ALK: variants seen among roughly 807,000 people sequenced by gnomAD.
The protein encoded by ALK is ALK tyrosine kinase receptor.
In ALK, 74 loss-of-function variants were observed where a neutral mutation model predicts 163.1. The observed-to-expected ratio is 0.45, with a 90% CI of 0.38 to 0.55. The LOEUF is 0.55. ALK is among the 20% of genes least tolerant of loss of function. ALK has a pLI of 0.00. For synonymous variants in ALK, 960 were observed against 843.2 expected (o/e 1.14, Z -2.40); for missense variants, 2,063 against 2,105.3 (o/e 0.98, Z 0.39).
chr2:29,786,544 C>T (rs1257559521), intron 1 of ALK, among the ~76,000 whole-genome samples: 1 of 152,148 alleles, frequency 6.6e-6, no homozygotes, highest in African/African-American at 2.4e-5. Context: ...GTGTAGAGAT[C>T]ACCACGTGGC....
intron 6 of ALK, among the ~76,000 whole-genome samples, chr2:29,327,328 A>C (rs1194726160): frequency 1.3e-5 from 2 of 152,194 alleles, no homozygotes; most frequent in Admixed American, 6.5e-5. Context: ...AGGTATTGCT[A>C]TGGGAAAGAT....
At chr2:29,216,018 T>C (rs1573112077) in intron 23 of ALK, among the ~76,000 whole-genome samples, 1 of 152,266 alleles carries the variant, frequency 6.6e-6, no homozygotes, top group East Asian at 1.9e-4. Flanking sequence ...AAATGGCTCC[T>C]TGTGTTTGGC....
intron 9 of ALK, 25 bp downstream of exon 9, chr2:29,296,863 A>T (rs1431731941): frequency 1.2e-6 from 2 of 1,613,862 alleles, no homozygotes; most frequent in Non-Finnish European, 8.5e-7. Context: ...GGAGAAGGGT[A>T]TTGGGGGAGA....
chr2:29,692,841 T>C (rs2148287779), intron 3 of ALK, among the ~76,000 whole-genome samples: 1 of 152,294 alleles, frequency 6.6e-6, no homozygotes, highest in East Asian at 1.9e-4. Flanking sequence ...TGGAAATAAT[T>C]CAAATGTTCA....
chr2:29,694,816 C>G, intron 3 of ALK, 34 bp downstream of exon 3: 2 of 1,612,400 alleles, frequency 1.2e-6, no homozygotes, highest in Non-Finnish European at 1.7e-6. Flanking sequence ...TGGCCCTGAC[C>G]CACCCAGGAC....
intron 4 of ALK, among the ~76,000 whole-genome samples, chr2:29,490,721 A>G (rs147374528): frequency 1.9e-3 from 290 of 152,356 alleles, no homozygotes; most frequent in African/African-American, 6.6e-3. Flanking sequence ...AATATGTAAA[A>G]CTACAAAGGA....
chr2:29,918,523 GTC>G (rs778084410), intron 1 of ALK, among the ~76,000 whole-genome samples: 1 of 152,096 alleles, frequency 6.6e-6, no homozygotes, highest in South Asian at 2.1e-4. Context: ...TCTTAGGATG[GTC>G]TATATAAATT....
At chr2:29,442,305 A>G (rs1437815355) in intron 4 of ALK, among the ~76,000 whole-genome samples, 1 of 54,648 alleles carries the variant, frequency 1.8e-5, no homozygotes, top group Non-Finnish European at 8.3e-5. Flanking sequence ...CCTCTGATAA[A>G]TTAAAAAAAA....
At chr2:29,217,049 G>T (rs533520983) in intron 23 of ALK, among the ~76,000 whole-genome samples, 1 of 147,538 alleles carries the variant, frequency 6.8e-6, no homozygotes, top group Non-Finnish European at 1.5e-5. Context: ...GCATGTGTGT[G>T]GTGTGTGTTG....
intron 11 of ALK, among the ~76,000 whole-genome samples, chr2:29,269,801 T>TCC (rs149023613): frequency 0.021 from 3,172 of 150,806 alleles, 53 homozygotes; most frequent in Non-Finnish European, 0.031. Context: ...TAATGAACAG[T>TCC]CCCCCCCCAG....
intron 3 of ALK, among the ~76,000 whole-genome samples, chr2:29,640,589 A>G (rs1676674564): frequency 1.3e-5 from 2 of 152,338 alleles, no homozygotes; most frequent in South Asian, 2.1e-4. Context: ...TACAGCCTGC[A>G]GAACCGTGAG....
intron 11 of ALK, among the ~76,000 whole-genome samples, chr2:29,272,446 G>A (rs1374014604): frequency 6.6e-6 from 1 of 152,170 alleles, no homozygotes. Flanking sequence ...CTGCTCCATG[G>A]GCCTGGAGGT....
At chr2:29,877,786 G>A (rs577558479) in intron 1 of ALK, among the ~76,000 whole-genome samples, 16 of 151,786 alleles carry the variant, frequency 1.1e-4, no homozygotes, top group African/African-American at 3.4e-4. Context: ...AGGCAAAAGC[G>A]CTGCTCCTTG....
rs1009081585 is a variant in ALK, at chr2:29,574,520, C to G, written c.953-42404G>C. Among the ~76,000 whole-genome samples the G allele has an allele frequency of 2.6e-5, 4 of 152,312 alleles. No individual in the cohort carries two copies. The South Asian group carries it at 8.3e-4, about 32-fold the overall frequency. ...GTTTGGTCCTGCCGGCCCTATAAAC[C>G]GTTGAAATGTCTGAGAAAGACTCAT... is the stretch of plus-strand genomic sequence containing the variant. On this transcript the variant is annotated intron_variant, in intron 3 of 28. Coordinates refer to ENST00000389048, the MANE Select transcript of ALK (RefSeq NM_004304.5).
chr2:29,608,165 G>T (rs181241736), intron 3 of ALK, among the ~76,000 whole-genome samples: 1 of 152,058 alleles, frequency 6.6e-6, no homozygotes, highest in Admixed American at 6.6e-5. Context: ...AAGAACACCC[G>T]CATGCCACAC....
At chr2:29,814,820 G>C (rs926561531) in intron 1 of ALK, among the ~76,000 whole-genome samples, 3 of 147,792 alleles carry the variant, frequency 2.0e-5, no homozygotes, top group Non-Finnish European at 4.6e-5. Context: ...CTATTCACAG[G>C]ATTGGTATGA....
chr2:29,750,841 G>A (rs1468566271), intron 1 of ALK, among the ~76,000 whole-genome samples: 3 of 152,076 alleles, frequency 2.0e-5, no homozygotes, highest in Non-Finnish European at 4.4e-5. Flanking sequence ...GGAGGCCAAG[G>A]TGGGTGGATC....
At chr2:29,772,270 T>A (rs770723248) in intron 1 of ALK, among the ~76,000 whole-genome samples, 1 of 152,068 alleles carries the variant, frequency 6.6e-6, no homozygotes, top group Non-Finnish European at 1.5e-5. Context: ...ATAATCTAAA[T>A]GTAAATATCA....
At chr2:29,675,137 G>A (rs1558436612) in intron 3 of ALK, among the ~76,000 whole-genome samples, 2 of 151,866 alleles carry the variant, frequency 1.3e-5, no homozygotes, top group Admixed American at 1.3e-4. Flanking sequence ...AAACCAAAAT[G>A]AGGCTATAAT....
Sources: gnomAD v4.1 joint callset for allele counts (sites outside exome capture counted in the v4.1 genomes callset) on GRCh38, gnomAD v4.1.1 for gene constraint, MANE v1.5 for transcripts, NCBI Gene and HGNC (gene_info 2026-07-23, HGNC 2026-07-21) for gene names.